Variants in VGLL4 observed in about 807,000 individuals in gnomAD.
The protein encoded by VGLL4 is vestigial like family member 4, also known as transcription cofactor vestigial-like protein 4.
Under a neutral mutation model 21.0 loss-of-function variants are expected in VGLL4, and 7 were observed. The ratio of observed to expected loss-of-function variants is 0.33; its 90% CI spans 0.19 to 0.63. The LOEUF (loss-of-function observed/expected upper bound fraction) is 0.63, where lower values mean the gene tolerates loss of function less well. Ranked by LOEUF, VGLL4 falls within the 20% of genes least tolerant of loss-of-function variation. The pLI is 0.78. For missense variants in VGLL4, 394 were observed against 425.7 expected, an observed-to-expected ratio of 0.93 and a Z score of 0.66; for synonymous variants, 222 against 173.2, an observed-to-expected ratio of 1.28 and a Z score of -2.21.
intron 2 of VGLL4, among the ~76,000 whole-genome samples, chr3:11,654,084 C>T (rs1439072969): frequency 6.6e-6 from 1 of 151,610 alleles, no homozygotes; most frequent in Non-Finnish European, 1.5e-5. Context: ...TAGGACACCC[C>T]CCACCACCAC....
At chr3:11,602,983 G>A (rs1344324527) in intron 1 of VGLL4, among the ~76,000 whole-genome samples, 4 of 152,006 alleles carry the variant, frequency 2.6e-5, no homozygotes, top group South Asian at 2.1e-4. Context: ...TTGGTCTCTC[G>A]GACCTGACCA....
At chr3:11,617,332 G>A (rs1289142817) in intron 1 of VGLL4, among the ~76,000 whole-genome samples, 1 of 152,178 alleles carries the variant, frequency 6.6e-6, no homozygotes, top group Non-Finnish European at 1.5e-5. Flanking sequence ...GATACAGAGA[G>A]GTGGGTCAGA....
intron 2 of VGLL4, among the ~76,000 whole-genome samples, chr3:11,573,316 G>GAAGGAAGAAAGAAAGAAAGA (rs2073910741): frequency 4.8e-5 from 1 of 20,754 alleles, no homozygotes. Flanking sequence ...AGGAAGGAAG[G>GAAGGAAGAAAGAAAGAAAGA]AAGAAAGAAA....
At chr3:11,693,200 T>G (rs1189348263) in intron 2 of VGLL4, 1 of 182,392 alleles carries the variant, frequency 5.5e-6, no homozygotes, top group Non-Finnish European at 1.2e-5. Context: ...GAAAATGTTT[T>G]GTAAACTACA....
upstream of VGLL4, among the ~76,000 whole-genome samples, chr3:11,648,848 A>G (rs1042166016): frequency 6.6e-6 from 1 of 152,240 alleles, no homozygotes; most frequent in African/African-American, 2.4e-5. Flanking sequence ...CCAATTTAAC[A>G]AAAAGACTTT....
chr3:11,681,570 T>C (rs181116156), intron 2 of VGLL4, among the ~76,000 whole-genome samples: 18 of 152,334 alleles, frequency 1.2e-4, no homozygotes, highest in Non-Finnish European at 2.2e-4. Flanking sequence ...CCCATGAAAA[T>C]TGTTTGTTTC....
chr3:11,698,434 G>A (rs1168706517), intron 2 of VGLL4, among the ~76,000 whole-genome samples: 12 of 152,186 alleles, frequency 7.9e-5, no homozygotes, highest in East Asian at 1.9e-4. Flanking sequence ...ATTTGAACCC[G>A]GGAGGCAGAG....
At chr3:11,578,857 C>T (rs1384678188) in intron 2 of VGLL4, among the ~76,000 whole-genome samples, 2 of 148,568 alleles carry the variant, frequency 1.3e-5, no homozygotes, top group Non-Finnish European at 3.0e-5. Context: ...TCACGCCATT[C>T]TCCTGCCTCA....
chr3:11,649,895 ATTTGGTTTGGTTTGGTTTGGTTTGG>A (rs139823468), intron 2 of VGLL4, among the ~76,000 whole-genome samples: 8,030 of 144,582 alleles, frequency 0.056, 388 homozygotes, highest in Admixed American at 0.13. Flanking sequence ...CAAGTGCTCT[ATTTGGTTTGGTTTGGTTTGGTTTGG>A]TTTGGTTTGG....
intron 1 of VGLL4, chr3:11,720,252 C>T (rs558002896): frequency 0.015 from 2,309 of 151,850 alleles, 27 homozygotes; most frequent in Non-Finnish European, 0.024. Context: ...GGGCGCACCA[C>T]CCGCCCGCGC....
chr3:11,625,345 A>G (rs549001222), intron 1 of VGLL4, among the ~76,000 whole-genome samples: 2 of 152,352 alleles, frequency 1.3e-5, no homozygotes, highest in East Asian at 1.9e-4. Context: ...ACAAAACTCT[A>G]GAAGACGTAG....
chr3:11,640,973 C>T (rs560207312), intron 1 of VGLL4, among the ~76,000 whole-genome samples: 27 of 151,922 alleles, frequency 1.8e-4, no homozygotes, highest in Non-Finnish European at 2.6e-4. Flanking sequence ...AAAAATGGGC[C>T]GGGCATGGTG....
At chr3:11,685,837 G>C (rs9854215) in intron 2 of VGLL4, among the ~76,000 whole-genome samples, 3,995 of 152,100 alleles carry the variant, frequency 0.026, 174 homozygotes, top group African/African-American at 0.091. Flanking sequence ...GGGTGACAGA[G>C]CGAGACTCCA....
intron 1 of VGLL4, among the ~76,000 whole-genome samples, chr3:11,709,885 G>C (rs1157812205): frequency 6.6e-6 from 1 of 152,130 alleles, no homozygotes; most frequent in Non-Finnish European, 1.5e-5. Flanking sequence ...TCACTATAAA[G>C]TAATACCTGA....
chr3:11,702,288 C>T (rs543044601), intron 2 of VGLL4, among the ~76,000 whole-genome samples: 28 of 151,986 alleles, frequency 1.8e-4, no homozygotes, highest in East Asian at 9.7e-4. Flanking sequence ...CTACAATTAA[C>T]GGTTCAAACT....
At chr3:11,628,807 G>A (rs2075414449) in intron 1 of VGLL4, among the ~76,000 whole-genome samples, 3 of 152,192 alleles carry the variant, frequency 2.0e-5, no homozygotes, top group South Asian at 4.1e-4. Context: ...GTGACAGAGC[G>A]AGACTCTGTC....
intron 2 of VGLL4, among the ~76,000 whole-genome samples, chr3:11,590,309 G>A (rs1484007507): frequency 6.6e-6 from 1 of 152,186 alleles, no homozygotes; most frequent in African/African-American, 2.4e-5. Flanking sequence ...GTTCTCAGAT[G>A]TGCTTCTACA....
chr3:11,626,867 C>T (rs1467156952), intron 1 of VGLL4, among the ~76,000 whole-genome samples: 1 of 139,640 alleles, frequency 7.2e-6, no homozygotes, highest in African/African-American at 2.7e-5. Flanking sequence ...GTGCACAATA[C>T]AGAGAAGTGC....
chr3:11,654,532 G>C (rs2075927741), intron 2 of VGLL4, among the ~76,000 whole-genome samples: 1 of 152,148 alleles, frequency 6.6e-6, no homozygotes, highest in Admixed American at 6.5e-5. Context: ...AACTTGCAAG[G>C]CATGAATTTT....
Sources: gnomAD v4.1 joint callset for allele counts (sites outside exome capture counted in the v4.1 genomes callset) on GRCh38, gnomAD v4.1.1 for gene constraint, MANE v1.5 for transcripts, NCBI Gene and HGNC (gene_info 2026-07-23, HGNC 2026-07-21) for gene names.